The following TSPAN18 variants were observed in gnomAD, a reference collection of about 807,000 sequenced individuals.
TSPAN18 encodes the protein tetraspanin-18.
In TSPAN18, 14 loss-of-function variants were observed where a neutral mutation model predicts 27.3. The observed-to-expected ratio is 0.51, with a 90% confidence interval of 0.34 to 0.80. The LOEUF (loss-of-function observed/expected upper bound fraction) is 0.80, where lower values mean the gene tolerates loss of function less well. Among genes scored for constraint, TSPAN18 ranks in the 30% least tolerant of loss-of-function variants. The pLI is 0.01. For synonymous variants in TSPAN18, 143 were observed against 136.5 expected, an observed-to-expected ratio of 1.05 and a Z score of -0.33; for missense variants, 268 against 323.9, an observed-to-expected ratio of 0.83 and a Z score of 1.32.
chr11:44,771,093 A>C (rs965764754), intron 2 of TSPAN18, among the ~76,000 whole-genome samples: 1 of 152,112 alleles, frequency 6.6e-6, no homozygotes, highest in African/African-American at 2.4e-5. Context: ...AGTATTTCAA[A>C]CCTTTGACCA....
At chr11:44,879,791 G>A (rs1858438974) in intron 3 of TSPAN18, among the ~76,000 whole-genome samples, 1 of 152,258 alleles carries the variant, frequency 6.6e-6, no homozygotes, top group Non-Finnish European at 1.5e-5. Flanking sequence ...CTGGATGTCT[G>A]TGGCCTCCCA....
At chr11:44,897,799 T>G (rs1859117066) in intron 3 of TSPAN18, 1 of 1,289,312 alleles carries the variant, frequency 7.8e-7, no homozygotes, top group Non-Finnish European at 1.0e-6. Context: ...CGGGAGAGTC[T>G]GTCCTGCTGA....
chr11:44,740,650 A>G (rs149603354), intron 1 of TSPAN18, among the ~76,000 whole-genome samples: 15 of 152,326 alleles, frequency 9.8e-5, no homozygotes, highest in Middle Eastern at 3.4e-3. Context: ...CTGCCCCCAC[A>G]ACCCCATCCT....
At chr11:44,780,575 T>C (rs559336227) in intron 2 of TSPAN18, among the ~76,000 whole-genome samples, 2 of 152,262 alleles carry the variant, frequency 1.3e-5, no homozygotes, top group Non-Finnish European at 2.9e-5. Flanking sequence ...GTCCACCAAC[T>C]TCATCATTTC....
intron 2 of TSPAN18, among the ~76,000 whole-genome samples, chr11:44,797,008 C>T (rs1419839123): frequency 6.6e-6 from 1 of 152,252 alleles, no homozygotes; most frequent in South Asian, 2.1e-4. Flanking sequence ...CACCCAACTT[C>T]AGGTATTACA....
At chr11:44,765,082 G>A (rs1855536200) in intron 2 of TSPAN18, among the ~76,000 whole-genome samples, 1 of 152,168 alleles carries the variant, frequency 6.6e-6, no homozygotes, top group Non-Finnish European at 1.5e-5. Flanking sequence ...GACTGGTGGT[G>A]GGCTGGGTGG....
chr11:44,828,138 G>A (rs34066017), intron 2 of TSPAN18, among the ~76,000 whole-genome samples: 26,972 of 152,084 alleles, frequency 0.18, 3,183 homozygotes, highest in Non-Finnish European at 0.27. Context: ...GCTGTGCAGA[G>A]TGCCACAAGG....
At chr11:44,904,988 G>A (rs934128552) in intron 3 of TSPAN18, among the ~76,000 whole-genome samples, 10 of 152,132 alleles carry the variant, frequency 6.6e-5, no homozygotes, top group Non-Finnish European at 1.0e-4. Flanking sequence ...AGGATTAAAC[G>A]AGATAATATG....
rs140486978 is a variant in TSPAN18, at chr11:44,767,319, C to G, written c.-153+2807C>G. 2.6e-5 allele frequency among the ~76,000 whole-genome samples: 4 copies of G among 152,304 alleles called. No homozygotes were observed. In the East Asian group the frequency reaches 7.7e-4, roughly 29 times the overall value. Reference sequence around the variant, plus strand: ...TCCTACCCACACCCCAGAAGGCGAGCATTAATAAGCTATTTAAATGACTCC... The same window carrying G: ...TCCTACCCACACCCCAGAAGGCGAGGATTAATAAGCTATTTAAATGACTCC... On this transcript the variant is annotated intron_variant, in intron 2 of 9. Coordinates refer to ENST00000520358, the MANE Select transcript of TSPAN18 (RefSeq NM_130783.5).
At chr11:44,793,576 T>C (rs1024711349) in intron 2 of TSPAN18, among the ~76,000 whole-genome samples, 4 of 152,102 alleles carry the variant, frequency 2.6e-5, no homozygotes, top group African/African-American at 9.7e-5. Flanking sequence ...TTCTTTTCTG[T>C]AAAATGGGGA....
At position 44,833,332 on chromosome 11, in the gene TSPAN18, C is replaced by T. The variant is rs180870120; in HGVS notation, c.-152-26996C>T. ...TGCCTTCTTGGGTTGGTTTAATGATCAGAGACAAAGCCCCTACCTCTGAGC... is the reference window on the plus strand; with the variant it reads ...TGCCTTCTTGGGTTGGTTTAATGATTAGAGACAAAGCCCCTACCTCTGAGC... On this transcript the variant is annotated intron_variant, in intron 2 of 9. Transcript: ENST00000520358. Among the ~76,000 whole-genome samples, 91 of 152,232 alleles carry T rather than the reference C, an allele frequency of 6.0e-4. 1 individual carries two copies. The East Asian group carries it at 0.011, about 18-fold the overall frequency.
intron 2 of TSPAN18, among the ~76,000 whole-genome samples, chr11:44,788,285 A>G (rs1278164981): frequency 6.6e-6 from 1 of 152,082 alleles, no homozygotes; most frequent in African/African-American, 2.4e-5. Flanking sequence ...GTGGATTGAA[A>G]TGCTGTCTAC....
intron 9 of TSPAN18, among the ~76,000 whole-genome samples, chr11:44,927,890 G>C (rs1860426951): frequency 6.6e-6 from 1 of 152,184 alleles, no homozygotes; most frequent in South Asian, 2.1e-4. Flanking sequence ...AGATGACGGG[G>C]ACAGCATGCT....
At chr11:44,913,760 CA>C (rs1859808255) in intron 5 of TSPAN18, among the ~76,000 whole-genome samples, 1 of 152,220 alleles carries the variant, frequency 6.6e-6, no homozygotes, top group African/African-American at 2.4e-5. Flanking sequence ...CTAATTTTTC[CA>C]TCCTAAGGAA....
intron 1 of TSPAN18, among the ~76,000 whole-genome samples, chr11:44,732,091 C>T (rs1025730224): frequency 2.6e-5 from 4 of 152,260 alleles, no homozygotes; most frequent in Admixed American, 6.5e-5. Context: ...ATGGTCTGCT[C>T]CAAGGACGTG....
chr11:44,897,171 G>A (rs1414528993), intron 3 of TSPAN18, among the ~76,000 whole-genome samples: 4 of 152,196 alleles, frequency 2.6e-5, no homozygotes, highest in Non-Finnish European at 5.9e-5. Flanking sequence ...TAGAACAGGA[G>A]TCTCCATATG....
intron 3 of TSPAN18, chr11:44,903,312 G>A (rs1859333005): frequency 2.4e-6 from 1 of 418,664 alleles, no homozygotes; most frequent in East Asian, 7.1e-5. Context: ...CAAACAGAAG[G>A]GATCAGCATG....
At chr11:44,766,935 G>A (rs1050707569) in intron 2 of TSPAN18, among the ~76,000 whole-genome samples, 2 of 152,278 alleles carry the variant, frequency 1.3e-5, no homozygotes, top group African/African-American at 4.8e-5. Context: ...ACCCCACAGG[G>A]TGGTTGTAAG....
intron 3 of TSPAN18, among the ~76,000 whole-genome samples, chr11:44,884,121 C>T (rs748353631): frequency 3.9e-5 from 6 of 152,144 alleles, no homozygotes; most frequent in Admixed American, 1.3e-4. Context: ...CACACTGCCT[C>T]CAGCCTCCCT....
Sources: gnomAD v4.1 joint callset for allele counts (sites outside exome capture counted in the v4.1 genomes callset) on GRCh38, gnomAD v4.1.1 for gene constraint, MANE v1.5 for transcripts, NCBI Gene and HGNC (gene_info 2026-07-23, HGNC 2026-07-21) for gene names.